The following GDPD5 variants were observed in gnomAD, a reference collection of about 807,000 sequenced individuals.
The protein encoded by GDPD5 is glycerophosphodiester phosphodiesterase domain containing 5.
GDPD5 carries 48 observed loss-of-function variants against 75.1 expected under a neutral mutation model. That is an observed-to-expected ratio of 0.64 (90% CI 0.51 to 0.81). The LOEUF is 0.81. Among genes scored for constraint, GDPD5 ranks in the 40% least tolerant of loss-of-function variants. The pLI is 0.00. For synonymous variants in GDPD5, 336 were observed against 339.0 expected, an observed-to-expected ratio of 0.99 and a Z score of 0.10; for missense variants, 706 against 822.6, an observed-to-expected ratio of 0.86 and a Z score of 1.73.
intron 3 of GDPD5, among the ~76,000 whole-genome samples, chr11:75,473,746 G>A (rs1428491042): frequency 6.6e-6 from 1 of 152,182 alleles, no homozygotes; most frequent in Non-Finnish European, 1.5e-5. Flanking sequence ...TTCAGTTCCT[G>A]AACACAAGAC....
chr11:75,459,807 CAAAA>C (rs767929482), intron 4 of GDPD5, among the ~76,000 whole-genome samples: 1 of 75,634 alleles, frequency 1.3e-5, no homozygotes, highest in Non-Finnish European at 2.8e-5. Context: ...GAGACTGTCT[CAAAA>C]AAAAAAAAAA....
intron 1 of GDPD5, among the ~76,000 whole-genome samples, chr11:75,523,606 A>T (rs1246851492): frequency 1.3e-5 from 2 of 152,234 alleles, no homozygotes; most frequent in Non-Finnish European, 2.9e-5. Context: ...ATGCATCAAG[A>T]GGTCACAAGT....
At chr11:75,470,600 T>C (rs1949639950) in intron 3 of GDPD5, among the ~76,000 whole-genome samples, 1 of 152,232 alleles carries the variant, frequency 6.6e-6, no homozygotes, top group Middle Eastern at 3.2e-3. Flanking sequence ...AAGCCTTATC[T>C]CTAAAGCATG....
Sources: gnomAD v4.1 joint callset for allele counts (sites outside exome capture counted in the v4.1 genomes callset) on GRCh38, gnomAD v4.1.1 for gene constraint, MANE v1.5 for transcripts, NCBI Gene and HGNC (gene_info 2026-07-23, HGNC 2026-07-21) for gene names.